STAM: variants seen among roughly 807,000 people sequenced by gnomAD.
The protein encoded by STAM is signal transducing adaptor molecule.
Under a neutral mutation model 63.4 loss-of-function variants are expected in STAM, and 16 were observed. The observed-to-expected ratio is 0.25, with a 90% CI of 0.17 to 0.38. STAM has a LOEUF of 0.38. Among genes scored for constraint, STAM ranks in the 10% least tolerant of loss-of-function variants. The pLI is 1.00. For missense variants in STAM, 636 were observed against 657.1 expected (o/e 0.97, Z 0.35); for synonymous variants, 238 against 223.9 (o/e 1.06, Z -0.56).
At chr10:17,712,438 G>T (rs1451931666) in intron 13 of STAM, among the ~76,000 whole-genome samples, 1 of 152,110 alleles carries the variant, frequency 6.6e-6, no homozygotes, top group Non-Finnish European at 1.5e-5. Flanking sequence ...GACAAATAAT[G>T]CCTTAGGTCA....
At chr10:17,713,320 T>G (rs1554830274) in intron 13 of STAM, among the ~76,000 whole-genome samples, 1 of 152,218 alleles carries the variant, frequency 6.6e-6, no homozygotes. Context: ...GCCGTGGATC[T>G]GCCGAGGATT....
At chr10:17,707,589 G>A (rs369258609) in intron 12 of STAM, among the ~76,000 whole-genome samples, 1 of 152,062 alleles carries the variant, frequency 6.6e-6, no homozygotes, top group East Asian at 1.9e-4. Context: ...CTGCTTTAGA[G>A]TCTTGATCAC....
chr10:17,704,356 A>G, intron 9 of STAM, 75 bp from the exon 10 acceptor site: 1 of 1,275,430 alleles, frequency 7.8e-7, no homozygotes, highest in Non-Finnish European at 1.1e-6. Context: ...AAGTTTGTCT[A>G]GTTGATAATA....
intron 2 of STAM, among the ~76,000 whole-genome samples, chr10:17,674,241 C>G (rs1834756723): frequency 1.3e-5 from 2 of 152,178 alleles, no homozygotes; most frequent in South Asian, 4.1e-4. Flanking sequence ...CGTCAGCTTC[C>G]TTTGTTAGAG....
At chr10:17,705,151 T>C in intron 11 of STAM, 127 bp downstream of exon 11, 1 of 744,938 alleles carries the variant, frequency 1.3e-6, no homozygotes, top group Non-Finnish European at 2.2e-6. Flanking sequence ...CATTCACATA[T>C]CTTGTGCTAG....
rs1835742828 is a variant in STAM, at chr10:17,696,087, C to T, written c.729-688C>T. The T allele has an allele frequency of 2.0e-5, 3 of 152,046 alleles. No individual in the cohort carries two copies. In the South Asian group the frequency reaches 6.2e-4, roughly 31 times the overall value. The allele number at this position is 152,046 out of a possible 1,614,324, so 9.4% of individuals were successfully genotyped here. On this transcript the variant is annotated intron_variant, in intron 7 of 13. Coordinates refer to ENST00000377524, the MANE Select transcript of STAM (RefSeq NM_003473.4). ...AATCGCTTTCCAAAGTCCCCACCTTCTGATACCATTGCTTTGGGGGTTAGG... is the reference window on the plus strand; with the variant it reads ...AATCGCTTTCCAAAGTCCCCACCTTTTGATACCATTGCTTTGGGGGTTAGG...
intron 2 of STAM, among the ~76,000 whole-genome samples, chr10:17,684,461 C>T (rs1589072611): frequency 6.6e-6 from 1 of 151,812 alleles, no homozygotes; most frequent in African/African-American, 2.4e-5. Context: ...TGAAATGCCT[C>T]ATCTACGATT....
At chr10:17,651,226 T>C (rs1389894876) in intron 1 of STAM, among the ~76,000 whole-genome samples, 2 of 152,208 alleles carry the variant, frequency 1.3e-5, no homozygotes, top group East Asian at 3.8e-4. Context: ...TCACTCCTTA[T>C]TGGTTTTATG....
At chr10:17,701,752 C>T (rs1164590377) in intron 9 of STAM, among the ~76,000 whole-genome samples, 1 of 152,234 alleles carries the variant, frequency 6.6e-6, no homozygotes, top group South Asian at 2.1e-4. Flanking sequence ...CAATTCTTCT[C>T]TCCAACTTTA....
Position 17,716,157 on chromosome 10 carries a change from C to T in STAM, c.*1377C>T, listed in dbSNP as rs111949596. Among the ~76,000 whole-genome samples, 40 of 152,116 alleles carry T rather than the reference C, an allele frequency of 2.6e-4. No individual in the cohort carries two copies. The highest frequency in any genetic ancestry group is 8.7e-4 in the African/African-American group (36 of 41,510). ...TATTATTTTAGCACTATTTAAACAA[C>T]GGAAAAGTTGAGTCGAACATCATAT... On this transcript the variant is annotated 3_prime_UTR_variant, in exon 14 of 14. Coordinates refer to ENST00000377524, the MANE Select transcript of STAM (RefSeq NM_003473.4).
intron 1 of STAM, among the ~76,000 whole-genome samples, chr10:17,645,601 G>T (rs1445749046): frequency 6.6e-6 from 1 of 152,116 alleles, no homozygotes; most frequent in African/African-American, 2.4e-5. Context: ...ACCTTTATGT[G>T]GTTGGCACTT....
chr10:17,707,280 G>C (rs1213380185), intron 12 of STAM, among the ~76,000 whole-genome samples: 1 of 152,024 alleles, frequency 6.6e-6, no homozygotes, highest in Non-Finnish European at 1.5e-5. Flanking sequence ...CGTGGTGGTG[G>C]GTGCCTATAG....
intron 1 of STAM, among the ~76,000 whole-genome samples, chr10:17,656,250 C>T (rs1361513815): frequency 2.7e-5 from 4 of 148,752 alleles, no homozygotes; most frequent in African/African-American, 1.0e-4. Flanking sequence ...GCCGAGATCG[C>T]ACCACTGCAC....
intron 1 of STAM, among the ~76,000 whole-genome samples, chr10:17,654,229 A>G (rs562950116): frequency 1.4e-4 from 21 of 151,712 alleles, no homozygotes; most frequent in Admixed American, 5.9e-4. Context: ...TATTATTATT[A>G]TTATTATTTT....
intron 7 of STAM, among the ~76,000 whole-genome samples, chr10:17,696,279 A>T (rs1174040596): frequency 1.3e-5 from 2 of 151,798 alleles, no homozygotes; most frequent in Non-Finnish European, 2.9e-5. Flanking sequence ...AGCTTTCCAT[A>T]TACTAGAGTT....
In STAM at chr10:17,700,466, G is replaced by A. The variant is rs142273095; in HGVS notation, c.912+187G>A. On this transcript the variant is annotated intron_variant, in intron 9 of 13. Transcript: ENST00000377524. ...CTTCCTCTCCAGTCCTTTGTTTGCC[G>A]TGCCAGAGCCTCATTATTTTAAATT... 1.4e-4 allele frequency among the ~76,000 whole-genome samples: 22 copies of A among 152,152 alleles called. No individual in the cohort carries two copies. In the East Asian group the frequency reaches 1.9e-3, roughly 13 times the overall value.
chr10:17,705,523 C>A, intron 11 of STAM, 65 bp from the exon 12 acceptor site: 2 of 1,513,960 alleles, frequency 1.3e-6, no homozygotes, highest in South Asian at 1.3e-5. Context: ...TTTGATGTAT[C>A]ATTATTTAGA....
At chr10:17,714,080 A>G (rs1236222501) in intron 13 of STAM, among the ~76,000 whole-genome samples, 1 of 152,146 alleles carries the variant, frequency 6.6e-6, no homozygotes, top group Non-Finnish European at 1.5e-5. Flanking sequence ...TAGGGAATCT[A>G]TCTGGCTCAC....
intron 5 of STAM, among the ~76,000 whole-genome samples, chr10:17,690,013 C>T (rs1306510086): frequency 6.6e-6 from 1 of 152,188 alleles, no homozygotes; most frequent in African/African-American, 2.4e-5. Flanking sequence ...GCCATATGTA[C>T]CCTTGTTTGG....
Sources: allele counts gnomAD v4.1 joint callset (sites outside exome capture counted in the v4.1 genomes callset), GRCh38; gene constraint gnomAD v4.1.1; transcripts MANE v1.5; gene names NCBI Gene and HGNC (gene_info 2026-07-23, HGNC 2026-07-21).